The following KPNA7 variants were observed in gnomAD, a reference collection of about 807,000 sequenced individuals.
KPNA7 encodes the protein importin subunit alpha-8.
A neutral mutation model predicts 53.7 loss-of-function variants in KPNA7; 54 were observed. The ratio of observed to expected loss-of-function variants is 1.01; its 90% confidence interval spans 0.81 to 1.26. The LOEUF is 1.26. Ranked by LOEUF, KPNA7 falls within the 50% of genes most tolerant of loss-of-function variation. The probability of loss-of-function intolerance (pLI) is 0.00; values close to 1 mark genes in which losing one functional copy is unlikely to be tolerated. For missense variants in KPNA7, 640 were observed against 644.5 expected (o/e 0.99, Z 0.07); for synonymous variants, 276 against 259.3 (o/e 1.06, Z -0.62).
At chr7:99,199,743 T>A (rs1790415741) in intron 3 of KPNA7, among the ~76,000 whole-genome samples, 1 of 152,122 alleles carries the variant, frequency 6.6e-6, no homozygotes, top group African/African-American at 2.4e-5. Context: ...CTAGACTTCT[T>A]CAAAATTAAA....
Position 99,188,494 on chromosome 7 carries a change from C to T in KPNA7, c.706G>A (p.Asp236Asn), listed in dbSNP as rs745456952. The change falls in exon 7 of 11, where the codon GAC becomes AAC. Residue 236 changes from aspartate (D) to asparagine (N), a missense_variant. Coordinates refer to ENST00000327442, the MANE Select transcript of KPNA7 (RefSeq NM_001145715.3). ...LCRNKNPYPC[D>N]TAVKQILPAL... ...GGCAGTATCTGCTTCACCGCAGTGT[C>T]GCAAGGGTATGGGTTCTTGTTTCGG... is the stretch of plus-strand genomic sequence containing the variant. The T allele has an allele frequency of 3.0e-5, 47 of 1,551,540 alleles. No individual in the cohort carries two copies. In the South Asian group the frequency reaches 3.9e-4, roughly 13 times the overall value.
At chr7:99,187,077 A>G (rs934472384) in intron 7 of KPNA7, among the ~76,000 whole-genome samples, 1 of 152,072 alleles carries the variant, frequency 6.6e-6, no homozygotes, top group African/African-American at 2.4e-5. Context: ...ACCTGAGGTC[A>G]AGAGTTCAGG....
chr7:99,148,994 C>T, the KPNA7 span, among the ~76,000 whole-genome samples: 19 of 146,440 alleles, frequency 1.3e-4, no homozygotes, highest in Non-Finnish European at 2.7e-4. Flanking sequence ...CTCCCAGATT[C>T]AAGCGATTCT....
the KPNA7 span, among the ~76,000 whole-genome samples, chr7:99,168,396 A>G: frequency 6.6e-6 from 1 of 152,152 alleles, no homozygotes; most frequent in Admixed American, 6.6e-5. Context: ...TCCCCAACAG[A>G]GCAAAACCCC....
intron 3 of KPNA7, among the ~76,000 whole-genome samples, chr7:99,201,481 G>T (rs1222016141): frequency 2.0e-5 from 3 of 151,730 alleles, no homozygotes; most frequent in African/African-American, 7.3e-5. Context: ...GGCTAACATG[G>T]TAAAAAACCG....
rs371457240 is a variant in KPNA7, at chr7:99,219,065, C to A, written c.-23-11576G>T. 1.4e-4 allele frequency among the ~76,000 whole-genome samples: 22 copies of A among 152,372 alleles called. No individual in the cohort carries two copies. The East Asian group carries it at 3.9e-3, about 27-fold the overall frequency. On this transcript the variant is annotated intron_variant, in intron 1 of 10. Coordinates refer to the KPNA7 transcript ENST00000681060. The stretch of plus-strand genomic sequence containing the variant: ...CACCTCACAGGGCTGATTCTACCCC[C>A]ACGCCGATGGTTCTTATGCGTGAAC...
intron 2 of KPNA7, among the ~76,000 whole-genome samples, chr7:99,203,565 G>T (rs1360462921): frequency 6.6e-6 from 1 of 152,072 alleles, no homozygotes; most frequent in African/African-American, 2.4e-5. Context: ...CATTGATGCT[G>T]ATGATTTCCT....
chr7:99,204,445 G>A (rs1451518575), intron 2 of KPNA7, among the ~76,000 whole-genome samples: 2 of 152,070 alleles, frequency 1.3e-5, no homozygotes, highest in Admixed American at 6.6e-5. Flanking sequence ...AAACTTTATA[G>A]TATTAAGAAT....
the KPNA7 span, among the ~76,000 whole-genome samples, chr7:99,160,842 G>C: frequency 6.6e-6 from 1 of 151,886 alleles, no homozygotes; most frequent in African/African-American, 2.4e-5. Flanking sequence ...CATCCTACAA[G>C]GTTATCGTAT....
At chr7:99,204,075 G>A (rs1464492313) in intron 2 of KPNA7, among the ~76,000 whole-genome samples, 3 of 152,022 alleles carry the variant, frequency 2.0e-5, no homozygotes, top group Non-Finnish European at 4.4e-5. Flanking sequence ...TCTACATACT[G>A]AGGGAAATCA....
At chr7:99,206,997 T>C (rs1189082988) in intron 2 of KPNA7, among the ~76,000 whole-genome samples, 1 of 152,044 alleles carries the variant, frequency 6.6e-6, no homozygotes, top group Non-Finnish European at 1.5e-5. Context: ...TTTGCTATAT[T>C]TGCCTTTTCA....
rs1584253863 is a variant in KPNA7 at position 99,173,621 on chromosome 7, T to G, written c.*87A>C. On this transcript the variant is annotated 3_prime_UTR_variant, in exon 11 of 11. Transcript: ENST00000327442. The stretch of plus-strand genomic sequence containing the variant: ...TGTCAAGTTTTAAAAGCTTCACATT[T>G]GGGTTACACTAAGATAGAGGACTGC... The G allele has an allele frequency of 1.7e-5, 12 of 719,782 alleles. No homozygotes were observed. The East Asian group carries it at 3.4e-4, about 21-fold the overall frequency. 44.6% of individuals were successfully genotyped at this position (719,782 alleles called of 1,614,324 possible).
intron 10 of KPNA7, among the ~76,000 whole-genome samples, chr7:99,176,247 A>G (rs937765527): frequency 6.6e-6 from 1 of 150,440 alleles, no homozygotes; most frequent in Non-Finnish European, 1.5e-5. Flanking sequence ...GCAGTGAGCC[A>G]AGATCGCGCC....
rs928661065 is a variant in KPNA7, at chr7:99,203,195, C to G, written c.112G>C (p.Ala38Pro). 1.9e-6 allele frequency: 3 copies of G among 1,551,672 alleles called. No homozygotes were observed. Among genetic ancestry groups the G allele is most frequent in the Non-Finnish European group, 2.6e-6 (3 of 1,146,952 alleles). ...RMAVSLELRK[A>P]KKDEQTLKRR... ...TTTAAGGTCTGTTCATCTTTCTTGGCCTTTCGGAGCTCCAGACTGACCGCC... is the reference window on the plus strand; with the variant it reads ...TTTAAGGTCTGTTCATCTTTCTTGGGCTTTCGGAGCTCCAGACTGACCGCC... Residue 38 changes from alanine (A) to proline (P), a missense_variant, in exon 3 of 11, where the codon GCC (alanine) becomes CCC (proline). Ala to Pro is a conservative substitution (Grantham distance 27). Transcript: ENST00000327442.
chr7:99,185,490 G>T lies in KPNA7; in HGVS notation c.901-328C>A, dbSNP rs981306043. Among the ~76,000 whole-genome samples, 4 of 152,086 alleles carry T rather than the reference G, an allele frequency of 2.6e-5. No individual in the cohort carries two copies. The South Asian group carries it at 6.2e-4, about 24-fold the overall frequency. On this transcript the variant is annotated intron_variant, in intron 7 of 10. Transcript: ENST00000327442. ...GCCTCCCAAGTATCTGGGACTATAC[G>T]GATGTGCCACCATGCCCGGCTAATT...
the KPNA7 span, among the ~76,000 whole-genome samples, chr7:99,165,297 C>CT: frequency 0.024 from 2,261 of 95,136 alleles, 67 homozygotes; most frequent in African/African-American, 0.069. Context: ...GAGGCCTTGC[C>CT]TTTTTAAAAA....
At chr7:99,192,950 C>A (rs1031500887) in intron 6 of KPNA7, 69 bp downstream of exon 6, 1 of 1,082,416 alleles carries the variant, frequency 9.2e-7, no homozygotes, top group African/African-American at 1.6e-5. Context: ...TGGTGAGGCT[C>A]CATCTCTATT....
upstream of KPNA7, among the ~76,000 whole-genome samples, chr7:99,210,593 T>G (rs1406549906): frequency 3.9e-5 from 6 of 152,118 alleles, no homozygotes; most frequent in African/African-American, 1.4e-4. Context: ...TTTGTGTTTT[T>G]GTTTTGCTTT....
Position 99,188,192 on chromosome 7 carries a change from A to AG in KPNA7, c.900+107_900+108insC, listed in dbSNP as rs1348736008. The stretch of plus-strand genomic sequence containing the variant: ...TCTGTCTCAAAAAAAAAAAAAAAAA[A>AG]AAAAAAGCAAAGACCAGGGAAATGC... On this transcript the variant is annotated intron_variant, in intron 7 of 10. Transcript: ENST00000327442. 201 of 1,034,604 alleles carry AG rather than the reference A, an allele frequency of 1.9e-4. 3 individuals carry two copies. The highest frequency in any genetic ancestry group is 2.4e-4 in the Non-Finnish European group (178 of 747,826). The allele number at this position is 1,034,604 out of a possible 1,614,324, so 64.1% of individuals were successfully genotyped here.
Sources: gnomAD v4.1 joint callset for allele counts (sites outside exome capture counted in the v4.1 genomes callset) on GRCh38, gnomAD v4.1.1 for gene constraint, MANE v1.5 for transcripts, NCBI Gene and HGNC (gene_info 2026-07-23, HGNC 2026-07-21) for gene names.